TBC1D22A: variants seen among roughly 807,000 people sequenced by gnomAD.
The protein encoded by TBC1D22A is TBC1 domain family member 22A.
A neutral mutation model predicts 60.2 loss-of-function variants in TBC1D22A; 38 were observed. The observed-to-expected ratio is 0.63, with a 90% CI of 0.49 to 0.83. The LOEUF is 0.83. TBC1D22A is among the 40% of genes least tolerant of loss of function. The pLI, the probability that TBC1D22A is intolerant of heterozygous loss-of-function variation, is 0.00. For synonymous variants in TBC1D22A, 302 were observed against 281.7 expected (o/e 1.07, Z -0.72); for missense variants, 628 against 701.0 (o/e 0.90, Z 1.18).
intron 8 of TBC1D22A, among the ~76,000 whole-genome samples, chr22:46,958,035 G>A (rs559181762): frequency 6.6e-6 from 1 of 152,158 alleles, no homozygotes; most frequent in South Asian, 2.1e-4. Context: ...GGAGTGATGG[G>A]GTAGGCCTGG....
At chr22:46,881,686 G>A (rs1333316680) in intron 5 of TBC1D22A, among the ~76,000 whole-genome samples, 1 of 152,196 alleles carries the variant, frequency 6.6e-6, no homozygotes, top group Non-Finnish European at 1.5e-5. Flanking sequence ...GGAAGAACTG[G>A]GAAGGGACAG....
chr22:47,068,486 C>G lies in TBC1D22A; in HGVS notation c.1329+31288C>G, dbSNP rs187717416. Among the ~76,000 whole-genome samples, 6 of 152,334 alleles carry G rather than the reference C, an allele frequency of 3.9e-5. No individual in the cohort carries two copies. In the East Asian group the frequency reaches 1.2e-3, roughly 29 times the overall value. On this transcript the variant is annotated intron_variant, in intron 11 of 12. Coordinates refer to ENST00000337137, the MANE Select transcript of TBC1D22A (RefSeq NM_014346.5). ...GACTTTGATGTTACGACTTGCAGCA[C>G]CACAGAGCACCTGCTTTTCATATAA...
intron 8 of TBC1D22A, among the ~76,000 whole-genome samples, chr22:46,958,319 G>A (rs537706957): frequency 1.3e-4 from 20 of 152,310 alleles, no homozygotes; most frequent in African/African-American, 4.8e-4. Context: ...GAGTGGCTGT[G>A]CAAACCTTGT....
chr22:46,902,700 C>T (rs531452297), intron 7 of TBC1D22A, among the ~76,000 whole-genome samples: 77 of 152,356 alleles, frequency 5.1e-4, no homozygotes, highest in Non-Finnish European at 8.8e-4. Context: ...TTGTTTTCAC[C>T]TTTCCTGCGA....
intron 11 of TBC1D22A, among the ~76,000 whole-genome samples, chr22:47,064,641 G>A (rs4491): frequency 0.47 from 71,660 of 152,068 alleles, 17,584 homozygotes; most frequent in East Asian, 0.59. Flanking sequence ...GCCTGGCAGG[G>A]CTCTGTGGTG....
rs923726280 is a variant in TBC1D22A, at chr22:47,009,538, T to C, written c.1201+11829T>C. Among the ~76,000 whole-genome samples the C allele has an allele frequency of 6.7e-6, 1 of 149,968 alleles. No individual in the cohort carries two copies. Among genetic ancestry groups the C allele is most frequent in the African/African-American group, 2.5e-5 (1 of 40,482 alleles). On this transcript the variant is annotated intron_variant, in intron 10 of 12. Coordinates refer to ENST00000337137, the MANE Select transcript of TBC1D22A (RefSeq NM_014346.5). The surrounding 1 kb of genome is among the most constrained non-coding windows in gnomAD (Gnocchi z 5.8). ...ATCTTCACCATCACCATCATCATCA[T>C]TGCCATCATCACCATCATTACGTCA...
intron 3 of TBC1D22A, among the ~76,000 whole-genome samples, chr22:46,795,328 C>T (rs1416439200): frequency 6.6e-6 from 1 of 152,222 alleles, no homozygotes; most frequent in Admixed American, 6.5e-5. Flanking sequence ...ACCGTGCCCC[C>T]TACCCCCAAG....
intron 12 of TBC1D22A, among the ~76,000 whole-genome samples, chr22:47,134,908 T>C (rs1328423032): frequency 6.6e-6 from 1 of 152,188 alleles, no homozygotes; most frequent in Non-Finnish European, 1.5e-5. Flanking sequence ...AGAGTTTCCC[T>C]GCCCAGCTCT....
chr22:47,114,903 A>C (rs965935904), intron 12 of TBC1D22A, among the ~76,000 whole-genome samples: 1 of 152,108 alleles, frequency 6.6e-6, no homozygotes, highest in Non-Finnish European at 1.5e-5. Context: ...CAGGCGGGGA[A>C]GGTGAGGGCG....
At chr22:46,908,540 A>G (rs1296478827) in intron 7 of TBC1D22A, among the ~76,000 whole-genome samples, 1 of 152,210 alleles carries the variant, frequency 6.6e-6, no homozygotes, top group South Asian at 2.1e-4. Context: ...AGCCGAGTTA[A>G]ATCTGAAGAA....
intron 4 of TBC1D22A, among the ~76,000 whole-genome samples, chr22:46,858,577 G>T (rs770400646): frequency 3.9e-5 from 6 of 152,234 alleles, no homozygotes; most frequent in Non-Finnish European, 7.3e-5. Flanking sequence ...TGTTCCTGCA[G>T]AGGCGCCTGC....
intron 11 of TBC1D22A, among the ~76,000 whole-genome samples, chr22:47,052,595 C>T (rs77749031): frequency 1.3e-5 from 2 of 152,168 alleles, no homozygotes; most frequent in Non-Finnish European, 2.9e-5. Flanking sequence ...CAGTGTTGCA[C>T]CAAGCTTCTC....
chr22:46,935,600 C>A (rs539795733), intron 8 of TBC1D22A, among the ~76,000 whole-genome samples: 73 of 152,342 alleles, frequency 4.8e-4, no homozygotes, highest in South Asian at 8.3e-4. Flanking sequence ...TCTCGCCCCC[C>A]TCCTTTCCGA....
chr22:47,109,815 C>T (rs2065781104), intron 11 of TBC1D22A, among the ~76,000 whole-genome samples: 1 of 151,972 alleles, frequency 6.6e-6, no homozygotes, highest in South Asian at 2.1e-4. Context: ...AAATACATCT[C>T]GAATGTGTCT....
chr22:46,932,012 A>G (rs2071377949), intron 8 of TBC1D22A, among the ~76,000 whole-genome samples: 1 of 152,188 alleles, frequency 6.6e-6, no homozygotes, highest in Non-Finnish European at 1.5e-5. Context: ...TCACAGATTG[A>G]TTCATTGTCG....
intron 12 of TBC1D22A, among the ~76,000 whole-genome samples, chr22:47,155,286 G>A (rs1315850911): frequency 6.6e-6 from 1 of 152,204 alleles, no homozygotes; most frequent in Non-Finnish European, 1.5e-5. Flanking sequence ...TCGGAAGGCG[G>A]ATGTATTGAG....
chr22:47,029,479 A>G (rs2062385542), intron 10 of TBC1D22A, among the ~76,000 whole-genome samples: 1 of 151,900 alleles, frequency 6.6e-6, no homozygotes, highest in Non-Finnish European at 1.5e-5. Flanking sequence ...GATGGAGCTC[A>G]GTGCCCAACC....
rs866669867 is a variant in TBC1D22A at position 46,845,259 on chromosome 22, C to T, written c.638-33394C>T. On this transcript the variant is annotated intron_variant, in intron 4 of 12. Coordinates refer to ENST00000337137, the MANE Select transcript of TBC1D22A (RefSeq NM_014346.5). ...ATTCCATCTTTCTCTGTGCTTGAGA[C>T]GTAAGGACGTCTGTGCTTGGGCACA... is the stretch of plus-strand genomic sequence containing the variant. 7.9e-5 allele frequency among the ~76,000 whole-genome samples: 12 copies of T among 152,280 alleles called. No individual in the cohort carries two copies. The South Asian group carries it at 2.1e-3, about 26-fold the overall frequency.
intron 4 of TBC1D22A, among the ~76,000 whole-genome samples, chr22:46,840,905 C>A (rs1398073923): frequency 6.6e-6 from 1 of 152,112 alleles, no homozygotes; most frequent in South Asian, 2.1e-4. Context: ...AATCCCACTT[C>A]TGGGTATATA....
Sources: gnomAD v4.1 joint callset for allele counts (sites outside exome capture counted in the v4.1 genomes callset) on GRCh38, gnomAD v4.1.1 for gene constraint, Gnocchi (gnomAD v3.1) non-coding constraint, MANE v1.5 for transcripts, NCBI Gene and HGNC (gene_info 2026-07-23, HGNC 2026-07-21) for gene names.